ANO5: variants seen among roughly 807,000 people sequenced by gnomAD.
ANO5 encodes anoctamin-5.
In ANO5, 109 loss-of-function variants were observed where a neutral mutation model predicts 121.0. The observed-to-expected ratio is 0.90, with a 90% confidence interval of 0.77 to 1.06. The LOEUF is 1.06. Ranked by LOEUF, ANO5 falls within the 50% of genes least tolerant of loss-of-function variation. ANO5 has a pLI of 0.00. For missense variants in ANO5, 1,064 were observed against 1,078.5 expected, an observed-to-expected ratio of 0.99 and a Z score of 0.19; for synonymous variants, 406 against 359.9, an observed-to-expected ratio of 1.13 and a Z score of -1.45.
chr11:22,239,469 A>T (rs2133662474), intron 8 of ANO5, 100 bp from the exon 9 acceptor site: 1 of 823,310 alleles, frequency 1.2e-6, no homozygotes, highest in South Asian at 1.4e-5. Context: ...AAAAGAAAAC[A>T]TACCCTTGTT....
chr11:22,259,140 A>T (rs1432278068), intron 14 of ANO5, among the ~76,000 whole-genome samples: 2 of 151,866 alleles, frequency 1.3e-5, no homozygotes, highest in Non-Finnish European at 2.9e-5. Flanking sequence ...CTCAAAAAAA[A>T]AAAAAAAAAG....
intron 4 of ANO5, among the ~76,000 whole-genome samples, chr11:22,219,484 G>A (rs1852568458): frequency 6.6e-6 from 1 of 151,876 alleles, no homozygotes; most frequent in Admixed American, 6.6e-5. Flanking sequence ...TGAAAACAAA[G>A]CAAAAAACAA....
chr11:22,278,454 A>G (rs894650765), intron 21 of ANO5, among the ~76,000 whole-genome samples: 2 of 151,094 alleles, frequency 1.3e-5, no homozygotes, highest in Non-Finnish European at 3.0e-5. Flanking sequence ...TTTGTTTTCT[A>G]TGAAAACCTG....
At chr11:22,270,247 T>G (rs983021167) in intron 17 of ANO5, 65 bp from the exon 18 acceptor site, 5 of 1,585,598 alleles carry the variant, frequency 3.2e-6, no homozygotes, top group Non-Finnish European at 4.3e-6. Context: ...GATCTAACAC[T>G]CTGATTCTCT....
intron 12 of ANO5, among the ~76,000 whole-genome samples, chr11:22,254,857 G>A (rs1853942376): frequency 6.6e-6 from 1 of 151,940 alleles, no homozygotes; most frequent in African/African-American, 2.4e-5. Flanking sequence ...GACAGAAGGA[G>A]ACTCAAATAA....
At chr11:22,210,598 G>C (rs1288835049) in intron 2 of ANO5, among the ~76,000 whole-genome samples, 1 of 151,796 alleles carries the variant, frequency 6.6e-6, no homozygotes, top group Non-Finnish European at 1.5e-5. Flanking sequence ...GAAGTCATTG[G>C]GTGTTATCTC....
chr11:22,220,220 A>G (rs1852596323), intron 4 of ANO5, among the ~76,000 whole-genome samples: 1 of 152,048 alleles, frequency 6.6e-6, no homozygotes, highest in African/African-American at 2.4e-5. Flanking sequence ...AGCTAAAGCA[A>G]TTGGAAAACT....
chr11:22,205,939 C>A (rs1852107554), intron 2 of ANO5, among the ~76,000 whole-genome samples: 1 of 152,054 alleles, frequency 6.6e-6, no homozygotes, highest in Admixed American at 6.6e-5. Flanking sequence ...ATTTGAATAG[C>A]CCTGTAGCTA....
At chr11:22,237,183 G>A (rs557902634) in intron 8 of ANO5, among the ~76,000 whole-genome samples, 2 of 152,112 alleles carry the variant, frequency 1.3e-5, no homozygotes, top group African/African-American at 2.4e-5. Flanking sequence ...AGACTTTTTG[G>A]TGATGTATTC....
chr11:22,230,017 A>G (rs1372948868), intron 7 of ANO5, among the ~76,000 whole-genome samples: 1 of 152,010 alleles, frequency 6.6e-6, no homozygotes. Context: ...TTCACAATAT[A>G]TAGTAAATAA....
chr11:22,263,001 C>T lies in ANO5; in HGVS notation c.1856C>T (p.Thr619Ile), dbSNP rs1554931947. The T allele has an allele frequency of 6.2e-7, 1 of 1,613,572 alleles. No homozygotes were observed. Residue 619 changes from threonine to isoleucine, a missense_variant, in exon 17 of 22, where the codon ACC becomes ATC. By Grantham distance (89) the Thr-to-Ile change is moderately conservative. Transcript: ENST00000324559. Reference protein sequence around the residue: ...ELTTQLTIIMTGKQIFGNIKE... With the variant: ...ELTTQLTIIMIGKQIFGNIKE... ...ACAACCCAATTGACCATTATAATGA[C>T]CGGGAAACAGATTTTTGGAAACATT...
chr11:22,233,380 T>A (rs978241423), intron 7 of ANO5, among the ~76,000 whole-genome samples: 2 of 151,936 alleles, frequency 1.3e-5, no homozygotes, highest in Non-Finnish European at 2.9e-5. Flanking sequence ...GACTTCAAAA[T>A]TTTCTGGAAA....
intron 8 of ANO5, among the ~76,000 whole-genome samples, chr11:22,236,660 C>A (rs1022620502): frequency 1.3e-5 from 2 of 152,116 alleles, no homozygotes; most frequent in African/African-American, 4.8e-5. Flanking sequence ...TACCTGCATT[C>A]ACATATTCAT....
At chr11:22,241,765 A>G (rs1853440702) in intron 9 of ANO5, among the ~76,000 whole-genome samples, 2 of 151,946 alleles carry the variant, frequency 1.3e-5, no homozygotes, top group Admixed American at 6.6e-5. Context: ...GACTTGTTTG[A>G]GTTCCTCATA....
chr11:22,266,156 T>C (rs559860062), intron 17 of ANO5, among the ~76,000 whole-genome samples: 8 of 152,286 alleles, frequency 5.3e-5, no homozygotes, highest in African/African-American at 1.9e-4. Context: ...AAGTGATTAT[T>C]ATAAAATTTA....
At chr11:22,198,768 CCTCT>C (rs1851882512) in intron 1 of ANO5, among the ~76,000 whole-genome samples, 2 of 152,048 alleles carry the variant, frequency 1.3e-5, no homozygotes, top group Non-Finnish European at 2.9e-5. Flanking sequence ...TAAAAAAAAG[CCTCT>C]CTAAGTCAAT....
intron 10 of ANO5, 35 bp downstream of exon 10, chr11:22,250,406 A>ATGTTT: frequency 6.2e-7 from 1 of 1,610,188 alleles, no homozygotes; most frequent in Non-Finnish European, 8.5e-7. Flanking sequence ...TAGAGAAAAC[A>ATGTTT]TCTTTATCTT....
In ANO5 at chr11:22,262,912, C is replaced by A; in HGVS notation, c.1801-34C>A. ...TTGCAAAATTCCATCTTTGATCATT[C>A]AATTCTGTTTTCTCCCCTCTTGCTT... On this transcript the variant is annotated intron_variant, in intron 16 of 21. Coordinates refer to ENST00000324559, the MANE Select transcript of ANO5 (RefSeq NM_213599.3). 3 of 1,497,232 alleles carry A rather than the reference C, an allele frequency of 2.0e-6. No homozygotes were observed. In the South Asian group the frequency reaches 3.4e-5, roughly 17 times the overall value. The allele number at this position is 1,497,232 out of a possible 1,614,324, so 92.7% of individuals were successfully genotyped here. A position where few individuals can be genotyped will look rare whatever the true frequency, so the allele number is the denominator to read the frequency against.
intron 16 of ANO5, 83 bp downstream of exon 16, chr11:22,262,381 A>G (rs1854219229): frequency 2.7e-6 from 4 of 1,457,744 alleles, no homozygotes; most frequent in Admixed American, 1.8e-5. Context: ...ACTGATTCAC[A>G]TGCTAAAAAA....
Sources: gnomAD v4.1 joint callset for allele counts (sites outside exome capture counted in the v4.1 genomes callset) on GRCh38, gnomAD v4.1.1 for gene constraint, MANE v1.5 for transcripts, NCBI Gene and HGNC (gene_info 2026-07-23, HGNC 2026-07-21) for gene names.